The following FER1L6 variants were observed in gnomAD, a reference collection of about 807,000 sequenced individuals.
The protein encoded by FER1L6 is fer-1-like protein 6.
In FER1L6, 177 loss-of-function variants were observed where a neutral mutation model predicts 219.2. That is an observed-to-expected ratio of 0.81 (90% CI 0.71 to 0.91). The LOEUF is 0.91. Among genes scored for constraint, FER1L6 ranks in the 40% least tolerant of loss-of-function variants. FER1L6 has a pLI of 0.00. For synonymous variants in FER1L6, 768 were observed against 824.3 expected (o/e 0.93, Z 1.17); for missense variants, 2,153 against 2,259.9 (o/e 0.95, Z 0.96).
intron 2 of FER1L6, among the ~76,000 whole-genome samples, chr8:123,961,617 T>C (rs1815279431): frequency 6.6e-6 from 1 of 152,090 alleles, no homozygotes; most frequent in Non-Finnish European, 1.5e-5. Flanking sequence ...CAAACTGAAA[T>C]GGTTAGCCAG....
intron 37 of FER1L6, among the ~76,000 whole-genome samples, chr8:124,098,437 C>T (rs1822403046): frequency 6.6e-6 from 1 of 152,100 alleles, no homozygotes. Context: ...TTAACTAAAA[C>T]CTCTCTCAGC....
At chr8:123,885,529 C>T (rs951047011) in intron 1 of FER1L6, among the ~76,000 whole-genome samples, 4 of 152,172 alleles carry the variant, frequency 2.6e-5, no homozygotes, top group African/African-American at 9.7e-5. Flanking sequence ...TAGTGACAGA[C>T]ACTGATATAA....
chr8:124,048,836 G>A (rs1423581134), intron 21 of FER1L6, among the ~76,000 whole-genome samples: 1 of 152,228 alleles, frequency 6.6e-6, no homozygotes, highest in Non-Finnish European at 1.5e-5. Context: ...AAGTCTGCCT[G>A]GCTCCAAAGC....
chr8:124,013,410 A>G lies in FER1L6; in HGVS notation c.1822-21A>G, dbSNP rs369769740. ...CTCATTACCACCGCCTCATCTCTCCACCCCTGTGGTTTGTTTTCAGGAAGA... is the reference window on the plus strand; with the variant it reads ...CTCATTACCACCGCCTCATCTCTCCGCCCCTGTGGTTTGTTTTCAGGAAGA... On this transcript the variant is annotated intron_variant, in intron 14 of 40. Transcript: ENST00000522917. 71 of 1,497,462 alleles carry G rather than the reference A, an allele frequency of 4.7e-5. No individual in the cohort carries two copies. In the Middle Eastern group the frequency reaches 7.0e-4, roughly 15 times the overall value. 92.8% of individuals were successfully genotyped at this position (1,497,462 alleles called of 1,614,324 possible).
intron 31 of FER1L6, among the ~76,000 whole-genome samples, chr8:124,072,645 A>G (rs1821123333): frequency 6.6e-6 from 1 of 152,218 alleles, no homozygotes; most frequent in South Asian, 2.1e-4. Context: ...GGTTTCCTTC[A>G]TCATCCTCTG....
chr8:124,103,069 ATGAGGATGGTGAT>A (rs2130990934), intron 38 of FER1L6, 64 bp from the exon 39 acceptor site: 1 of 1,276,228 alleles, frequency 7.8e-7, no homozygotes, highest in South Asian at 1.3e-5. Flanking sequence ...GAATGAATGA[ATGAGGATGGTGAT>A]TGAGAAGCTC....
chr8:123,973,416 T>G lies in FER1L6; in HGVS notation c.448-18T>G, dbSNP rs377344943. ...CTCAAGGTAAATCTGCCATACTCCC[T>G]GCTCTCTCTCTCCTCAGGTCTTTCA... On this transcript the variant is annotated intron_variant, in intron 6 of 40. Transcript: ENST00000522917. The G allele has an allele frequency of 6.3e-7, 1 of 1,599,658 alleles. No homozygotes were observed. Among genetic ancestry groups the G allele is most frequent in the Admixed American group, 1.7e-5 (1 of 60,008 alleles).
intron 25 of FER1L6, among the ~76,000 whole-genome samples, chr8:124,063,326 CTTTATAG>C (rs922334521): frequency 5.9e-5 from 9 of 152,190 alleles, no homozygotes; most frequent in African/African-American, 1.9e-4. Context: ...ATGTTTTAAA[CTTTATAG>C]TTTATATTTT....
intron 39 of FER1L6, among the ~76,000 whole-genome samples, chr8:124,112,229 T>C (rs1433021016): frequency 5.9e-5 from 9 of 152,306 alleles, no homozygotes; most frequent in Non-Finnish European, 1.0e-4. Flanking sequence ...CTGGTTTTAG[T>C]TGCTGGCAGG....
chr8:124,033,510 C>T (rs539701305), intron 18 of FER1L6, among the ~76,000 whole-genome samples: 63 of 151,014 alleles, frequency 4.2e-4, no homozygotes, highest in Non-Finnish European at 9.0e-4. Context: ...TTTTTTTGAG[C>T]TCAACAAACA....
intron 33 of FER1L6, among the ~76,000 whole-genome samples, chr8:124,089,056 C>A (rs367576632): frequency 7.2e-5 from 11 of 152,288 alleles, no homozygotes; most frequent in African/African-American, 2.6e-4. Flanking sequence ...CTCAGCATAG[C>A]AGTAGGATTT....
At chr8:123,950,139 G>A (rs374228615) in intron 1 of FER1L6, among the ~76,000 whole-genome samples, 3 of 152,164 alleles carry the variant, frequency 2.0e-5, no homozygotes, top group South Asian at 2.1e-4. Flanking sequence ...CTTAGGCTGC[G>A]GTGGGGGCGT....
At chr8:123,968,878 G>A (rs569422120) in intron 5 of FER1L6, among the ~76,000 whole-genome samples, 4 of 152,262 alleles carry the variant, frequency 2.6e-5, no homozygotes, top group African/African-American at 9.6e-5. Context: ...TACTGTGGCT[G>A]TGTCCATCTC....
chr8:123,994,679 T>C (rs1817044187), intron 12 of FER1L6, among the ~76,000 whole-genome samples: 4 of 152,206 alleles, frequency 2.6e-5, no homozygotes, highest in Admixed American at 2.6e-4. Flanking sequence ...CTAGCACTTG[T>C]GGCTGCAACA....
chr8:123,933,367 C>CGT lies in FER1L6; in HGVS notation c.-7-22625_-7-22624insGT, dbSNP rs1563692476. ...CTATAGTCTGATCTTTCTATCATAG[C>CGT]ATATGTGTGTCTGTGTGTGTGTGTG... is the stretch of plus-strand genomic sequence containing the variant. On this transcript the variant is annotated intron_variant, in intron 1 of 40. Transcript: ENST00000522917. 2.4e-4 allele frequency among the ~76,000 whole-genome samples: 36 copies of CGT among 146,942 alleles called. 1 individual carries two copies. The highest frequency in any genetic ancestry group is 4.2e-4 in the Admixed American group (6 of 14,398).
At chr8:124,007,336 A>AT (rs1586582840) in intron 13 of FER1L6, among the ~76,000 whole-genome samples, 2 of 149,274 alleles carry the variant, frequency 1.3e-5, no homozygotes, top group East Asian at 4.0e-4. Flanking sequence ...CTTCCTCCAT[A>AT]TGCCATCCTG....
intron 19 of FER1L6, among the ~76,000 whole-genome samples, chr8:124,038,394 T>C (rs1819313842): frequency 2.0e-5 from 3 of 152,230 alleles, no homozygotes; most frequent in Admixed American, 2.0e-4. Flanking sequence ...ACTTAGATTC[T>C]TGAGATCCAT....
At chr8:124,070,427 T>C (rs757887167) in intron 29 of FER1L6, 40 bp from the exon 30 acceptor site, 2 of 1,606,622 alleles carry the variant, frequency 1.2e-6, no homozygotes, top group Non-Finnish European at 1.7e-6. Flanking sequence ...ATCCTGGGCT[T>C]TCCTTCCTCT....
intron 20 of FER1L6, among the ~76,000 whole-genome samples, chr8:124,043,613 TAA>T (rs1467005190): frequency 6.6e-6 from 1 of 152,232 alleles, no homozygotes; most frequent in Non-Finnish European, 1.5e-5. Context: ...GAGGTTTGTT[TAA>T]AGTCACATGG....
Sources: gnomAD v4.1 joint callset for allele counts (sites outside exome capture counted in the v4.1 genomes callset) on GRCh38, gnomAD v4.1.1 for gene constraint, MANE v1.5 for transcripts, NCBI Gene and HGNC (gene_info 2026-07-23, HGNC 2026-07-21) for gene names.